Variants in RAB11FIP4 observed in about 807,000 individuals in gnomAD.
The protein encoded by RAB11FIP4 is rab11 family-interacting protein 4.
A neutral mutation model predicts 74.3 loss-of-function variants in RAB11FIP4; 23 were observed. The ratio of observed to expected loss-of-function variants is 0.31; its 90% CI spans 0.22 to 0.44. RAB11FIP4 has a LOEUF of 0.44. Ranked by LOEUF, RAB11FIP4 falls within the 20% of genes least tolerant of loss-of-function variation. The probability of loss-of-function intolerance (pLI) is 1.00; values close to 1 mark genes in which losing one functional copy is unlikely to be tolerated. For missense variants in RAB11FIP4, 630 were observed against 863.9 expected, an observed-to-expected ratio of 0.73 and a Z score of 3.39; for synonymous variants, 360 against 359.9, an observed-to-expected ratio of 1.00 and a Z score of 0.00.
At chr17:31,394,941 G>C (rs866497376) in intron 1 of RAB11FIP4, among the ~76,000 whole-genome samples, 7 of 116,748 alleles carry the variant, frequency 6.0e-5, no homozygotes, top group South Asian at 2.8e-4. Context: ...CGGGGGGCGG[G>C]GGGGGGGGGC....
chr17:31,419,435 C>T (rs755294588), intron 1 of RAB11FIP4, among the ~76,000 whole-genome samples: 11 of 151,596 alleles, frequency 7.3e-5, no homozygotes, highest in African/African-American at 1.2e-4. Context: ...AAACCCCATT[C>T]GGCTGCTTGT....
At chr17:31,499,339 T>C (rs2072174769) in intron 3 of RAB11FIP4, among the ~76,000 whole-genome samples, 1 of 152,046 alleles carries the variant, frequency 6.6e-6, no homozygotes, top group Admixed American at 6.6e-5. Flanking sequence ...TCCCCCACTT[T>C]TTCTTTTCCT....
rs1477185218 is a variant in RAB11FIP4, at chr17:31,537,149, C to T, written c.*5417C>T. Reference sequence around the variant, plus strand: ...CTTTGTCCTTGTGCCTTTTCTTCCCCATCGCCACTGTACAGGATTTTCCAC... The same window carrying T: ...CTTTGTCCTTGTGCCTTTTCTTCCCTATCGCCACTGTACAGGATTTTCCAC... On this transcript the variant is annotated 3_prime_UTR_variant, in exon 15 of 15. Transcript: ENST00000621161. The T allele has an allele frequency of 2.5e-6, 1 of 399,684 alleles. No homozygotes were observed. Among genetic ancestry groups the T allele is most frequent in the East Asian group, 3.6e-5 (1 of 28,078 alleles). 24.8% of individuals were successfully genotyped at this position (399,684 alleles called of 1,614,324 possible).
chr17:31,431,180 C>A (rs1280629229), intron 1 of RAB11FIP4, among the ~76,000 whole-genome samples: 1 of 152,146 alleles, frequency 6.6e-6, no homozygotes, highest in African/African-American at 2.4e-5. Context: ...GTGTTACAGC[C>A]ACTAACAACG....
intron 1 of RAB11FIP4, among the ~76,000 whole-genome samples, chr17:31,419,403 T>C (rs1412550191): frequency 6.6e-6 from 1 of 151,958 alleles, no homozygotes; most frequent in Non-Finnish European, 1.5e-5. Context: ...AGTTTTCAAA[T>C]GTTGGGCCAG....
chr17:31,492,456 G>A (rs1036780711), intron 3 of RAB11FIP4, among the ~76,000 whole-genome samples: 2 of 152,114 alleles, frequency 1.3e-5, no homozygotes, highest in Non-Finnish European at 2.9e-5. Context: ...GGTGGGTGGG[G>A]CTTCAGCAGG....
At position 31,515,499 on chromosome 17, in the gene RAB11FIP4, G is replaced by A. The variant is rs1314877176; in HGVS notation, c.337-2152G>A. On this transcript the variant is annotated intron_variant, in intron 3 of 14. Coordinates refer to ENST00000621161, the MANE Select transcript of RAB11FIP4 (RefSeq NM_032932.6). ...AGCCCAGGGGTCTCCTGGTGGGGACGGACCCCCAGGAGGGCTGCCAGCTCA... is the reference window on the plus strand; with the variant it reads ...AGCCCAGGGGTCTCCTGGTGGGGACAGACCCCCAGGAGGGCTGCCAGCTCA... 6.5e-5 allele frequency among the ~76,000 whole-genome samples: 9 copies of A among 138,010 alleles called. No homozygotes were observed. The East Asian group carries it at 1.4e-3, about 21-fold the overall frequency. 90.5% of individuals were successfully genotyped at this position (138,010 alleles called of 152,430 possible). A position where few individuals can be genotyped will look rare whatever the true frequency, so the allele number is the denominator to read the frequency against.
chr17:31,528,371 A>T, intron 11 of RAB11FIP4, 35 bp from the exon 12 acceptor site: 1 of 1,599,756 alleles, frequency 6.3e-7, no homozygotes. Context: ...CCTCTCTGGG[A>T]ACTCTCCTCC....
At chr17:31,496,437 GGGA>G (rs1567676683) in intron 3 of RAB11FIP4, among the ~76,000 whole-genome samples, 1 of 152,222 alleles carries the variant, frequency 6.6e-6, no homozygotes, top group Non-Finnish European at 1.5e-5. Context: ...AATGAGGGCT[GGGA>G]GTGGGTCACT....
chr17:31,472,449 G>A (rs971755723), intron 3 of RAB11FIP4, among the ~76,000 whole-genome samples: 1 of 152,194 alleles, frequency 6.6e-6, no homozygotes, highest in Admixed American at 6.5e-5. Flanking sequence ...GGCCACAGGC[G>A]GCCCCAGCGC....
intron 1 of RAB11FIP4, among the ~76,000 whole-genome samples, chr17:31,402,473 A>G (rs2070996200): frequency 6.6e-6 from 1 of 152,154 alleles, no homozygotes; most frequent in Admixed American, 6.6e-5. Flanking sequence ...ACCTCAGTGC[A>G]GTGATTCCTG....
chr17:31,419,109 C>T (rs530064230), intron 1 of RAB11FIP4, among the ~76,000 whole-genome samples: 1 of 152,264 alleles, frequency 6.6e-6, no homozygotes, highest in South Asian at 2.1e-4. Context: ...CTTGCTTATC[C>T]ATTCACTTGT....
chr17:31,474,695 G>A (rs76888670), intron 3 of RAB11FIP4, among the ~76,000 whole-genome samples: 1 of 149,756 alleles, frequency 6.7e-6, no homozygotes, highest in African/African-American at 2.5e-5. Flanking sequence ...GAGAGAAAGT[G>A]TTTAAAGGAG....
chr17:31,461,296 C>T (rs1173278223), intron 3 of RAB11FIP4, among the ~76,000 whole-genome samples: 1 of 152,200 alleles, frequency 6.6e-6, no homozygotes, highest in African/African-American at 2.4e-5. Context: ...ACATCTCCAT[C>T]CACCCTACAA....
At chr17:31,509,503 C>CG in intron 3 of RAB11FIP4, 1 of 152,494 alleles carries the variant, frequency 6.6e-6, no homozygotes, top group African/African-American at 2.4e-5. Flanking sequence ...GAGGTGGATC[C>CG]GGGGCCCCCG....
intron 3 of RAB11FIP4, among the ~76,000 whole-genome samples, chr17:31,496,459 C>T (rs2072117965): frequency 6.6e-6 from 1 of 152,190 alleles, no homozygotes; most frequent in Admixed American, 6.5e-5. Flanking sequence ...CTGGCCTTCC[C>T]AAGGGAGCAG....
intron 1 of RAB11FIP4, among the ~76,000 whole-genome samples, chr17:31,396,625 C>A (rs79140440): frequency 6.6e-6 from 1 of 152,082 alleles, no homozygotes; most frequent in African/African-American, 2.4e-5. Context: ...GATCTGGCAC[C>A]GGCCTCTGTG....
At chr17:31,438,947 T>TA (rs199618276) in intron 3 of RAB11FIP4, among the ~76,000 whole-genome samples, 5 of 151,552 alleles carry the variant, frequency 3.3e-5, no homozygotes, top group East Asian at 1.9e-4. Context: ...CTGCTTCTCT[T>TA]AAAAAAAAAA....
At chr17:31,468,035 G>C (rs1022452024) in intron 3 of RAB11FIP4, among the ~76,000 whole-genome samples, 1 of 152,162 alleles carries the variant, frequency 6.6e-6, no homozygotes, top group Non-Finnish European at 1.5e-5. Context: ...AGGTTTATTC[G>C]GGGTGAGCTG....
Sources: gnomAD v4.1 joint callset for allele counts (sites outside exome capture counted in the v4.1 genomes callset) on GRCh38, gnomAD v4.1.1 for gene constraint, MANE v1.5 for transcripts, NCBI Gene and HGNC (gene_info 2026-07-23, HGNC 2026-07-21) for gene names.